Variants in GLI2 observed in about 807,000 individuals in gnomAD.
The protein encoded by GLI2 is GLI family zinc finger 2, also known as transcription activator GLI2.
A neutral mutation model predicts 78.9 loss-of-function variants in GLI2; 22 were observed. That is an observed-to-expected ratio of 0.28 (90% CI 0.20 to 0.40). GLI2 has a LOEUF of 0.40. Ranked by LOEUF, GLI2 falls within the 10% of genes least tolerant of loss-of-function variation. The pLI is 1.00. For synonymous variants in GLI2, 974 were observed against 963.7 expected, an observed-to-expected ratio of 1.01 and a Z score of -0.20; for missense variants, 2,097 against 2,213.2, an observed-to-expected ratio of 0.95 and a Z score of 1.05.
rs147275077 is a variant in GLI2, at chr2:120,961,090, A to G, written c.643+5660A>G. ...AATATTGGTGATTTAACGACAGAACAGCCACCCCCTCCCCCTCCACCACAT... is the reference window on the plus strand; with the variant it reads ...AATATTGGTGATTTAACGACAGAACGGCCACCCCCTCCCCCTCCACCACAT... On this transcript the variant is annotated intron_variant, in intron 5 of 13. Transcript: ENST00000361492. Among the ~76,000 whole-genome samples the G allele has an allele frequency of 5.9e-3, 902 of 152,280 alleles. 7 individuals carry two copies. Among genetic ancestry groups the G allele is most frequent in the African/African-American group, 0.021 (876 of 41,554 alleles).
chr2:120,762,061 T>C (rs1254935655), intron 1 of GLI2, among the ~76,000 whole-genome samples: 1 of 152,196 alleles, frequency 6.6e-6, no homozygotes, highest in Non-Finnish European at 1.5e-5. Context: ...AGCCGGGCAG[T>C]TCTGGTGCCA....
intron 1 of GLI2, among the ~76,000 whole-genome samples, chr2:120,787,878 C>A (rs1024037011): frequency 6.6e-6 from 1 of 152,160 alleles, no homozygotes; most frequent in African/African-American, 2.4e-5. Flanking sequence ...AAGCACATTA[C>A]AAACAGATGC....
chr2:120,783,933 C>T (rs1683919394), intron 1 of GLI2, among the ~76,000 whole-genome samples: 1 of 152,152 alleles, frequency 6.6e-6, no homozygotes, highest in African/African-American at 2.4e-5. Context: ...TTTGTTTAGC[C>T]AATGAGATCT....
At chr2:120,748,033 G>A (rs548624432) in intron 1 of GLI2, among the ~76,000 whole-genome samples, 1 of 152,162 alleles carries the variant, frequency 6.6e-6, no homozygotes, top group Non-Finnish European at 1.5e-5. Flanking sequence ...TTACGGAGCC[G>A]GCAGTCTCCG....
intron 2 of GLI2, among the ~76,000 whole-genome samples, chr2:120,816,470 C>G (rs1044578200): frequency 6.6e-6 from 1 of 151,986 alleles, no homozygotes; most frequent in Non-Finnish European, 1.5e-5. Flanking sequence ...GCTGGGATTA[C>G]AGGCATAAGC....
At position 120,990,514 on chromosome 2, in the gene GLI2, C is replaced by A. The variant is rs745361113; in HGVS notation, c.4549C>A (p.Leu1517Ile). 1 of 1,614,140 alleles carries A rather than the reference C, an allele frequency of 6.2e-7. No homozygotes were observed. The highest frequency in any genetic ancestry group is 1.1e-5 in the South Asian group (1 of 91,082). The change falls in exon 14 of 14, where the codon CTC becomes ATC. Residue 1517 changes from leucine (L) to isoleucine (I), a missense_variant. By Grantham distance (5) the Leu-to-Ile change is conservative (BLOSUM62 2). Transcript: ENST00000361492. ...CTCGGGTGCTCTGAGCCCCAGCCTC[C>A]TCCACAGCCTCTCCCAGAACTCCTC... ...LFSGALSPSL[L>I]HSLSQNSSRL...
intron 2 of GLI2, among the ~76,000 whole-genome samples, chr2:120,922,195 G>A (rs1037670714): frequency 6.6e-6 from 1 of 152,200 alleles, no homozygotes; most frequent in South Asian, 2.1e-4. Flanking sequence ...ATGCATGCAT[G>A]CATAAATAAA....
intron 1 of GLI2, among the ~76,000 whole-genome samples, chr2:120,773,583 A>C (rs1036232690): frequency 5.9e-5 from 9 of 151,998 alleles, no homozygotes; most frequent in African/African-American, 1.9e-4. Flanking sequence ...CTGAAGAGGG[A>C]TGATAGGCCC....
chr2:120,937,162 G>A lies in GLI2; in HGVS notation c.254+9696G>A, dbSNP rs184198332. On this transcript the variant is annotated intron_variant, in intron 3 of 13. Transcript: ENST00000361492. ...GAATGTTCTTAATGCTCGTTCCTCT[G>A]AGGACACTCACCCAGGGACCATGTG... is the stretch of plus-strand genomic sequence containing the variant. Among the ~76,000 whole-genome samples the A allele has an allele frequency of 1.5e-3, 231 of 152,288 alleles. 1 individual carries two copies. The highest frequency in any genetic ancestry group is 0.011 in the Admixed American group (173 of 15,302).
intron 2 of GLI2, among the ~76,000 whole-genome samples, chr2:120,844,464 C>T (rs1044247734): frequency 5.3e-5 from 8 of 152,148 alleles, no homozygotes; most frequent in South Asian, 4.1e-4. Context: ...GGAGGGTCTC[C>T]GTCCCTTCCT....
intron 1 of GLI2, among the ~76,000 whole-genome samples, chr2:120,741,916 C>T (rs1558775488): frequency 1.3e-5 from 2 of 152,180 alleles, no homozygotes; most frequent in South Asian, 2.1e-4. Flanking sequence ...GGGCCAGGTC[C>T]CCACAGCCGC....
intron 2 of GLI2, among the ~76,000 whole-genome samples, chr2:120,895,749 T>A (rs997246292): frequency 1.3e-5 from 2 of 152,154 alleles, no homozygotes; most frequent in Non-Finnish European, 2.9e-5. Context: ...AAAAACATGC[T>A]TCTCAGTAAG....
intron 2 of GLI2, among the ~76,000 whole-genome samples, chr2:120,843,825 C>CTTGGCTAATTT (rs1449900818): frequency 6.6e-6 from 1 of 152,160 alleles, no homozygotes; most frequent in Non-Finnish European, 1.5e-5. Flanking sequence ...TGCCACCACG[C>CTTGGCTAATTT]TTGGCTAATT....
At chr2:120,913,841 G>A (rs1190021764) in intron 2 of GLI2, among the ~76,000 whole-genome samples, 1 of 152,222 alleles carries the variant, frequency 6.6e-6, no homozygotes, top group Admixed American at 6.5e-5. Context: ...ATAAAGAGGT[G>A]CCTTGGCTCA....
intron 8 of GLI2, among the ~76,000 whole-genome samples, chr2:120,973,442 C>G (rs1682295797): frequency 6.6e-6 from 1 of 152,242 alleles, no homozygotes; most frequent in African/African-American, 2.4e-5. Context: ...CAGCCTGGCT[C>G]TGCGCACGTG....
In GLI2 at chr2:120,988,941, G is replaced by A; in HGVS notation, c.2976G>A (p.Leu992=). 6.5e-7 allele frequency: 1 copy of A among 1,532,672 alleles called. No individual in the cohort carries two copies. The highest frequency in any genetic ancestry group is 8.7e-7 in the Non-Finnish European group (1 of 1,144,214). 94.9% of individuals were successfully genotyped at this position (1,532,672 alleles called of 1,614,324 possible). The change falls in exon 14 of 14, where the codon CTG becomes CTA. Residue 992 remains leucine (L), a synonymous_variant. Coordinates refer to ENST00000361492, the MANE Select transcript of GLI2 (RefSeq NM_001374353.1). ...GTGCCGACAGGCGAGGCCTCCGCCT[G>A]CAGAGCCACCCGAGCACCGACGGCG... ...PPCADRRGLR[L]QSHPSTDGGL...
At chr2:120,894,516 C>T (rs1407478791) in intron 2 of GLI2, among the ~76,000 whole-genome samples, 1 of 151,978 alleles carries the variant, frequency 6.6e-6, no homozygotes, top group Admixed American at 6.5e-5. Context: ...CTTTCTAGAG[C>T]GCCAGTGTGG....
At chr2:120,767,134 T>C (rs796738184) in intron 1 of GLI2, among the ~76,000 whole-genome samples, 5 of 152,368 alleles carry the variant, frequency 3.3e-5, no homozygotes, top group African/African-American at 1.2e-4. Context: ...TAACTTGTTC[T>C]TTCCTCCAGA....
In GLI2 at chr2:120,851,137, A is replaced by T. The variant is rs188284272; in HGVS notation, c.148+53669A>T. Among the ~76,000 whole-genome samples, 55 of 152,252 alleles carry T rather than the reference A, an allele frequency of 3.6e-4. No homozygotes were observed. The East Asian group carries it at 7.1e-3, about 20-fold the overall frequency. On this transcript the variant is annotated intron_variant, in intron 2 of 13. Transcript: ENST00000361492. Reference sequence around the variant, plus strand: ...TATGCAGGATTGCTTAGATTTTTTTAAAAAAAGAAAAAGAATCATGAAAAT... The same window carrying T: ...TATGCAGGATTGCTTAGATTTTTTTTAAAAAAGAAAAAGAATCATGAAAAT...
Sources: gnomAD v4.1 joint callset for allele counts (sites outside exome capture counted in the v4.1 genomes callset) on GRCh38, gnomAD v4.1.1 for gene constraint, MANE v1.5 for transcripts, NCBI Gene and HGNC (gene_info 2026-07-23, HGNC 2026-07-21) for gene names.